MECOM: variants seen among roughly 807,000 people sequenced by gnomAD.
MECOM encodes histone-lysine N-methyltransferase MECOM.
In MECOM, 13 loss-of-function variants were observed where a neutral mutation model predicts 116.3. That is an observed-to-expected ratio of 0.11 (90% confidence interval 0.07 to 0.18). The LOEUF (loss-of-function observed/expected upper bound fraction) is 0.18, where lower values mean the gene tolerates loss of function less well. Ranked by LOEUF, MECOM falls within the 10% of genes least tolerant of loss-of-function variation. The pLI is 1.00. For synonymous variants in MECOM, 528 were observed against 535.2 expected, an observed-to-expected ratio of 0.99 and a Z score of 0.19; for missense variants, 1,299 against 1,509.0, an observed-to-expected ratio of 0.86 and a Z score of 2.31.
intron 1 of MECOM, among the ~76,000 whole-genome samples, chr3:169,570,894 CA>C (rs775731348): frequency 6.6e-6 from 1 of 152,140 alleles, no homozygotes; most frequent in African/African-American, 2.4e-5. Flanking sequence ...ACTGAGTGGG[CA>C]AAAGCTGGAA....
chr3:169,422,964 T>C (rs1216688964), intron 1 of MECOM, among the ~76,000 whole-genome samples: 1 of 152,072 alleles, frequency 6.6e-6, no homozygotes, highest in Admixed American at 6.6e-5. Flanking sequence ...CCCTTATTTT[T>C]AAAAAGAGTG....
intron 1 of MECOM, among the ~76,000 whole-genome samples, chr3:169,629,644 G>T (rs1212519492): frequency 6.6e-6 from 1 of 152,154 alleles, no homozygotes; most frequent in East Asian, 1.9e-4. Flanking sequence ...CGTGCATGTA[G>T]GTAATGCCTT....
At chr3:169,474,545 T>C (rs1750050089) in intron 1 of MECOM, among the ~76,000 whole-genome samples, 1 of 152,160 alleles carries the variant, frequency 6.6e-6, no homozygotes, top group Admixed American at 6.5e-5. Context: ...CAATCATATA[T>C]ATTTATGATT....
chr3:169,157,705 G>A (rs529652261), intron 2 of MECOM, among the ~76,000 whole-genome samples: 1 of 152,280 alleles, frequency 6.6e-6, no homozygotes, highest in African/African-American at 2.4e-5. Context: ...TTAAGTACTG[G>A]TCAACTTCCA....
rs114009290 is a variant in MECOM at position 169,326,450 on chromosome 3, G to A, written c.375+54737C>T. 1.3e-3 allele frequency among the ~76,000 whole-genome samples: 205 copies of A among 152,196 alleles called. 4 individuals carry two copies. Among genetic ancestry groups the A allele is most frequent in the African/African-American group, 4.5e-3 (187 of 41,530 alleles). On this transcript the variant is annotated intron_variant, in intron 2 of 16. Coordinates refer to ENST00000651503, the MANE Select transcript of MECOM (RefSeq NM_004991.4). ...ATCTGAAAGAAAACCTAATCAATAG[G>A]TATTTCATTTCAAAAAGTTAATGAA...
intron 2 of MECOM, among the ~76,000 whole-genome samples, chr3:169,251,783 T>C (rs1756267822): frequency 6.6e-6 from 1 of 152,136 alleles, no homozygotes; most frequent in Non-Finnish European, 1.5e-5. Flanking sequence ...AGTGAAGTGG[T>C]GTTCATTTAT....
chr3:169,300,299 A>G (rs376276486), intron 2 of MECOM, among the ~76,000 whole-genome samples: 18 of 152,326 alleles, frequency 1.2e-4, no homozygotes, highest in African/African-American at 4.1e-4. Flanking sequence ...AATGAATGAT[A>G]TTTTATAGTA....
At chr3:169,255,624 ACAG>A (rs1756768543) in intron 2 of MECOM, among the ~76,000 whole-genome samples, 1 of 152,192 alleles carries the variant, frequency 6.6e-6, no homozygotes. Context: ...ATTCATTATG[ACAG>A]CACAGACTTT....
Position 169,085,179 on chromosome 3 carries a change from G to A in MECOM, c.3586-136C>T, listed in dbSNP as rs1239218326. The A allele has an allele frequency of 4.3e-6, 5 of 1,154,076 alleles. No homozygotes were observed. In the African/African-American group the frequency reaches 4.7e-5, roughly 11 times the overall value. 71.5% of individuals were successfully genotyped at this position (1,154,076 alleles called of 1,614,324 possible). Reference sequence around the variant, plus strand: ...CTTCATGGGTGTGTTTGGCAAAGAAGGCATATTTTTTGTAGAAACCACATG... The same window carrying A: ...CTTCATGGGTGTGTTTGGCAAAGAAAGCATATTTTTTGTAGAAACCACATG... On this transcript the variant is annotated intron_variant, in intron 16 of 16. Coordinates refer to ENST00000651503, the MANE Select transcript of MECOM (RefSeq NM_004991.4).
At chr3:169,594,154 C>CAAAAAAA (rs34331048) in intron 1 of MECOM, among the ~76,000 whole-genome samples, 18 of 45,662 alleles carry the variant, frequency 3.9e-4, no homozygotes, top group African/African-American at 1.8e-3. Context: ...ACCACCACCA[C>CAAAAAAA]AAAAAAAAAA....
chr3:169,379,203 C>T (rs974323341), intron 2 of MECOM, among the ~76,000 whole-genome samples: 8 of 151,330 alleles, frequency 5.3e-5, no homozygotes, highest in Non-Finnish European at 1.0e-4. Context: ...TCAACTGCTC[C>T]TCTGTGGAAA....
At chr3:169,149,605 T>A (rs1740821063) in intron 2 of MECOM, 1 of 443,260 alleles carries the variant, frequency 2.3e-6, no homozygotes, top group African/African-American at 2.0e-5. Flanking sequence ...CGCCCGCCGT[T>A]CCGCGTCCTT....
chr3:169,135,925 A>G (rs144900105), intron 3 of MECOM, among the ~76,000 whole-genome samples: 1 of 151,920 alleles, frequency 6.6e-6, no homozygotes, highest in Non-Finnish European at 1.5e-5. Flanking sequence ...AAAATTCTAA[A>G]TGATTCAAGT....
intron 3 of MECOM, among the ~76,000 whole-genome samples, chr3:169,138,951 G>T (rs908138869): frequency 6.6e-6 from 1 of 152,036 alleles, no homozygotes. Context: ...AATCATTCAC[G>T]TGGACCTAAG....
chr3:169,138,967 C>A lies in MECOM; in HGVS notation c.510+4731G>T, dbSNP rs768567677. ...ATCATTCACGTGGACCTAAGGAGAG[C>A]GAACGCGGGGTGCCACATCAGCTAG... On this transcript the variant is annotated intron_variant, in intron 3 of 16. Transcript: ENST00000651503. 2.6e-5 allele frequency among the ~76,000 whole-genome samples: 4 copies of A among 151,992 alleles called. No individual in the cohort carries two copies. The East Asian group carries it at 7.7e-4, about 29-fold the overall frequency.
chr3:169,170,444 T>C (rs1744251922), intron 2 of MECOM, among the ~76,000 whole-genome samples: 1 of 150,634 alleles, frequency 6.6e-6, no homozygotes, highest in African/African-American at 2.4e-5. Flanking sequence ...GCTAAGCGTC[T>C]GCATTCTCTC....
intron 1 of MECOM, among the ~76,000 whole-genome samples, chr3:169,537,671 A>C (rs1759553138): frequency 6.6e-6 from 1 of 152,062 alleles, no homozygotes. Flanking sequence ...ACAGGCCAGA[A>C]AGTGAGTATC....
chr3:169,658,076 A>C (rs1775747034), intron 1 of MECOM, among the ~76,000 whole-genome samples: 1 of 152,172 alleles, frequency 6.6e-6, no homozygotes, highest in African/African-American at 2.4e-5. Context: ...GTAAACTCTG[A>C]AGGCCAGAAG....
chr3:169,149,081 T>C lies in MECOM; in HGVS notation c.376-5249A>G, dbSNP rs529636592. Among the ~76,000 whole-genome samples, 30 of 151,042 alleles carry C rather than the reference T, an allele frequency of 2.0e-4. 1 individual carries two copies. The Middle Eastern group carries it at 0.01, about 52-fold the overall frequency. On this transcript the variant is annotated intron_variant, in intron 2 of 16. Coordinates refer to ENST00000651503, the MANE Select transcript of MECOM (RefSeq NM_004991.4). ...CTTGCCCATTGTCGGAGCTTTCTTT[T>C]TTTTTTTTTTTTTTTTAATTTAGCC... is the stretch of plus-strand genomic sequence containing the variant.
Sources: allele counts gnomAD v4.1 joint callset (sites outside exome capture counted in the v4.1 genomes callset), GRCh38; gene constraint gnomAD v4.1.1; transcripts MANE v1.5; gene names NCBI Gene and HGNC (gene_info 2026-07-23, HGNC 2026-07-21).